The following DNAH11 variants were observed in gnomAD, a reference collection of about 807,000 sequenced individuals.
DNAH11 encodes axonemal beta dynein heavy chain 11.
In DNAH11, 442 loss-of-function variants were observed where a neutral mutation model predicts 526.0. The observed-to-expected ratio is 0.84, with a 90% CI of 0.78 to 0.91. The LOEUF is 0.91. Ranked by LOEUF, DNAH11 falls within the 40% of genes least tolerant of loss-of-function variation. The pLI, the probability that DNAH11 is intolerant of heterozygous loss-of-function variation, is 0.00. For synonymous variants in DNAH11, 2,461 were observed against 1,935.9 expected (o/e 1.27, Z -7.12); for missense variants, 6,989 against 5,448.7 (o/e 1.28, Z -8.90).
intron 68 of DNAH11, among the ~76,000 whole-genome samples, chr7:21,857,133 A>T (rs1433410161): frequency 6.6e-6 from 1 of 152,214 alleles, no homozygotes; most frequent in Non-Finnish European, 1.5e-5. Flanking sequence ...GTTGCAGGAT[A>T]TAAGGTTGAT....
Position 21,636,599 on chromosome 7 carries a change from A to G in DNAH11, c.4725+504A>G, listed in dbSNP as rs140529019. Among the ~76,000 whole-genome samples the G allele has an allele frequency of 8.3e-3, 1,258 of 152,114 alleles. 21 individuals carry two copies. The highest frequency in any genetic ancestry group is 0.029 in the African/African-American group (1,195 of 41,534). ...AAAAATTTTTAATAATTGGCTAGGC[A>G]AGGTGGCCCAAGCTTGCAGTCCTAG... On this transcript the variant is annotated intron_variant, in intron 26 of 81. Coordinates refer to ENST00000409508, the MANE Select transcript of DNAH11 (RefSeq NM_001277115.2).
In DNAH11 at chr7:21,787,535, A is replaced by T; in HGVS notation, c.9876A>T (p.Ala3292=). 1.2e-6 allele frequency: 2 copies of T among 1,613,566 alleles called. No individual in the cohort carries two copies. Among genetic ancestry groups the T allele is most frequent in the South Asian group, 2.2e-5 (2 of 90,966 alleles). ...NPNLIRTKSF[A]AAGLCAWVIN... ...ACCTGATTCGAACCAAATCTTTTGCAGCAGCTGGCCTGTGTGCCTGGGTCA... is the reference window on the plus strand; with the variant it reads ...ACCTGATTCGAACCAAATCTTTTGCTGCAGCTGGCCTGTGTGCCTGGGTCA... Residue 3292 remains alanine, a synonymous_variant, in exon 60 of 82, where the codon GCA becomes GCT. Transcript: ENST00000409508.
At chr7:21,826,613 A>C (rs1304430625) in intron 65 of DNAH11, among the ~76,000 whole-genome samples, 1 of 149,754 alleles carries the variant, frequency 6.7e-6, no homozygotes, top group Non-Finnish European at 1.5e-5. Context: ...TTTTTTTCCT[A>C]TGTGACTATC....
intron 43 of DNAH11, among the ~76,000 whole-genome samples, chr7:21,719,857 CT>C (rs1428225234): frequency 6.6e-6 from 1 of 152,156 alleles, no homozygotes; most frequent in African/African-American, 2.4e-5. Flanking sequence ...GGGGAAGAGT[CT>C]CTTGAGTTTT....
At chr7:21,652,897 A>G (rs1781847139) in intron 28 of DNAH11, among the ~76,000 whole-genome samples, 1 of 152,102 alleles carries the variant, frequency 6.6e-6, no homozygotes, top group South Asian at 2.1e-4. Flanking sequence ...TGTATTTGAG[A>G]TGGAGTTTTG....
rs752154065 is a variant in DNAH11, at chr7:21,735,836, C to G, written c.7637C>G (p.Ala2546Gly). 3.1e-6 allele frequency: 5 copies of G among 1,602,878 alleles called. No homozygotes were observed. Among genetic ancestry groups the G allele is most frequent in the African/African-American group, 1.3e-5 (1 of 74,650 alleles). ...VPFNYYTTST[A>G]LQKILEKPLE... The stretch of plus-strand genomic sequence containing the variant: ...TTCAACTACTACACGACATCCACAG[C>G]TCTGCAAAGTAAGTGCACCTGTTTA... Residue 2546 changes from alanine to glycine, a missense_variant, in exon 46 of 82, where the codon GCT becomes GGT. Transcript: ENST00000409508.
intron 38 of DNAH11, among the ~76,000 whole-genome samples, chr7:21,704,901 G>C (rs1784207770): frequency 6.6e-6 from 1 of 152,124 alleles, no homozygotes; most frequent in Non-Finnish European, 1.5e-5. Context: ...GGTTCTTCGA[G>C]ACATGCACTA....
intron 4 of DNAH11, among the ~76,000 whole-genome samples, chr7:21,560,711 G>T (rs942889457): frequency 1.3e-5 from 2 of 152,160 alleles, no homozygotes; most frequent in African/African-American, 4.8e-5. Context: ...GATTGAGGGT[G>T]AGTCTGCCTC....
chr7:21,690,350 A>T (rs1384167312), intron 34 of DNAH11, among the ~76,000 whole-genome samples: 1 of 151,932 alleles, frequency 6.6e-6, no homozygotes, highest in Admixed American at 6.6e-5. Flanking sequence ...AGAAATAGAC[A>T]AAACTTAAGA....
intron 29 of DNAH11, among the ~76,000 whole-genome samples, chr7:21,656,525 A>T (rs1782021657): frequency 6.6e-6 from 1 of 152,198 alleles, no homozygotes; most frequent in Non-Finnish European, 1.5e-5. Flanking sequence ...CTCCTCTCAC[A>T]GCCAAATACC....
rs561134127 is a variant in DNAH11 at position 21,622,398 on chromosome 7, A to G, written c.4500+2320A>G. 3.9e-5 allele frequency among the ~76,000 whole-genome samples: 6 copies of G among 152,270 alleles called. No individual in the cohort carries two copies. In the East Asian group the frequency reaches 5.8e-4, roughly 15 times the overall value. ...TTGTGAAAATGGCCATACTGCCCAA[A>G]GTAATTTATAGATTCAATGCCATCC... On this transcript the variant is annotated intron_variant, in intron 25 of 81. Coordinates refer to ENST00000409508, the MANE Select transcript of DNAH11 (RefSeq NM_001277115.2).
At chr7:21,889,321 C>T (rs951144100) in intron 76 of DNAH11, among the ~76,000 whole-genome samples, 1 of 152,154 alleles carries the variant, frequency 6.6e-6, no homozygotes, top group Non-Finnish European at 1.5e-5. Flanking sequence ...GTTGTTTCTC[C>T]TTCTTGGCTA....
chr7:21,846,468 C>T (rs755335077), intron 66 of DNAH11, among the ~76,000 whole-genome samples: 26 of 152,040 alleles, frequency 1.7e-4, no homozygotes, highest in Non-Finnish European at 3.2e-4. Context: ...GTTTTTTCTG[C>T]ATTTATTGAT....
rs566840808 is a variant in DNAH11, at chr7:21,601,385, A to G, written c.3426-11A>G. ...AATTTGTGTGTATCTATGTACATAT[A>G]TATTTAATAGTCTGAATGAGCTACA... On this transcript the variant is annotated splice_polypyrimidine_tract_variant and intron_variant, in intron 17 of 81. Transcript: ENST00000409508. 20 of 1,604,484 alleles carry G rather than the reference A, an allele frequency of 1.2e-5. No individual in the cohort carries two copies. In the African/African-American group the frequency reaches 2.1e-4, roughly 17 times the overall value.
chr7:21,561,873 T>A lies in DNAH11; in HGVS notation c.982+703T>A, dbSNP rs1054600866. Among the ~76,000 whole-genome samples the A allele has an allele frequency of 8.5e-5, 13 of 152,312 alleles. No individual in the cohort carries two copies. The East Asian group carries it at 2.5e-3, about 29-fold the overall frequency. ...AAAATAGATAATATGGACAAGTAAC[T>A]TTTTTTGTTTCTAATATTAAAAAGT... On this transcript the variant is annotated intron_variant, in intron 5 of 81. Coordinates refer to ENST00000409508, the MANE Select transcript of DNAH11 (RefSeq NM_001277115.2).
At chr7:21,584,731 C>T (rs1042726375) in intron 9 of DNAH11, among the ~76,000 whole-genome samples, 2 of 152,014 alleles carry the variant, frequency 1.3e-5, no homozygotes, top group Admixed American at 6.6e-5. Flanking sequence ...TTAATACTGC[C>T]ACTATTTTTT....
In DNAH11 at chr7:21,787,421, A is replaced by T; in HGVS notation, c.9762A>T (p.Ala3254=). 1 of 1,607,612 alleles carries T rather than the reference A, an allele frequency of 6.2e-7. No homozygotes were observed. Among genetic ancestry groups the T allele is most frequent in the East Asian group, 2.2e-5 (1 of 44,716 alleles). ...TGCAGGTTGATGATTTTTTGCAAGCATTAATTAACTATGACAAAGAGCACA... is the reference window on the plus strand; with the variant it reads ...TGCAGGTTGATGATTTTTTGCAAGCTTTAATTAACTATGACAAAGAGCACA... The part of the protein sequence containing the change: ...FMGKVDDFLQ[A]LINYDKEHIP... Residue 3254 remains alanine (A), a synonymous_variant, in exon 60 of 82, where the codon GCA becomes GCT. Coordinates refer to ENST00000409508, the MANE Select transcript of DNAH11 (RefSeq NM_001277115.2).
At chr7:21,667,313 C>T (rs528726343) in intron 30 of DNAH11, among the ~76,000 whole-genome samples, 20 of 152,162 alleles carry the variant, frequency 1.3e-4, no homozygotes, top group African/African-American at 4.6e-4. Context: ...CAGGAGTTGG[C>T]CTACTTTTTC....
intron 18 of DNAH11, among the ~76,000 whole-genome samples, chr7:21,603,829 T>A (rs1318041172): frequency 6.6e-6 from 1 of 152,240 alleles, no homozygotes; most frequent in Non-Finnish European, 1.5e-5. Context: ...GTAGTCATAA[T>A]AAGTAATTGA....
Sources: gnomAD v4.1 joint callset for allele counts (sites outside exome capture counted in the v4.1 genomes callset) on GRCh38, gnomAD v4.1.1 for gene constraint, MANE v1.5 for transcripts, NCBI Gene and HGNC (gene_info 2026-07-23, HGNC 2026-07-21) for gene names.